CNTN1: variants seen among roughly 807,000 people sequenced by gnomAD.
CNTN1 encodes contactin 1.
A neutral mutation model predicts 126.4 loss-of-function variants in CNTN1; 38 were observed. That is an observed-to-expected ratio of 0.30 (90% confidence interval 0.23 to 0.39). The LOEUF (loss-of-function observed/expected upper bound fraction) is 0.39, where lower values mean the gene tolerates loss of function less well. CNTN1 is among the 10% of genes least tolerant of loss of function. CNTN1 has a pLI of 1.00. For synonymous variants in CNTN1, 413 were observed against 422.6 expected, an observed-to-expected ratio of 0.98 and a Z score of 0.28; for missense variants, 1,009 against 1,248.4, an observed-to-expected ratio of 0.81 and a Z score of 2.89.
At chr12:40,796,271 C>T (rs1277039753) in intron 1 of CNTN1, among the ~76,000 whole-genome samples, 4 of 151,968 alleles carry the variant, frequency 2.6e-5, no homozygotes, top group African/African-American at 9.7e-5. Flanking sequence ...AACATTAAAG[C>T]AATCATGGTA....
intron 1 of CNTN1, among the ~76,000 whole-genome samples, chr12:40,797,512 A>G (rs4767990): frequency 0.94 from 143,309 of 152,042 alleles, 68,112 homozygotes; most frequent in East Asian, 1. Flanking sequence ...GAAAATAGCC[A>G]AAGATGAGGC....
chr12:40,983,468 CGTGTGTGTGT>C (rs141568233), intron 16 of CNTN1, among the ~76,000 whole-genome samples: 1 of 145,892 alleles, frequency 6.9e-6, no homozygotes, highest in East Asian at 2.0e-4. Flanking sequence ...TGATATTCAC[CGTGTGTGTGT>C]GTGTGTGTGT....
intron 20 of CNTN1, among the ~76,000 whole-genome samples, chr12:41,024,171 T>G (rs1218783886): frequency 6.6e-6 from 1 of 152,188 alleles, no homozygotes; most frequent in Non-Finnish European, 1.5e-5. Flanking sequence ...CATAATAGTT[T>G]CTTACATGTT....
intron 1 of CNTN1, among the ~76,000 whole-genome samples, chr12:40,779,358 A>G (rs1939706156): frequency 1.3e-5 from 2 of 151,764 alleles, no homozygotes; most frequent in African/African-American, 4.8e-5. Flanking sequence ...AACCTTACTC[A>G]CCTTTTTCCA....
intron 1 of CNTN1, among the ~76,000 whole-genome samples, chr12:40,811,453 AATTT>A (rs1941057577): frequency 6.6e-6 from 1 of 152,126 alleles, no homozygotes; most frequent in Non-Finnish European, 1.5e-5. Context: ...ACTTCTCTAT[AATTT>A]TTCAAGCTGT....
intron 19 of CNTN1, among the ~76,000 whole-genome samples, chr12:41,018,639 T>C (rs182055822): frequency 8.2e-4 from 124 of 151,016 alleles, no homozygotes; most frequent in African/African-American, 3.0e-3. Flanking sequence ...TTTAAAGTTA[T>C]ATATATACTT....
At chr12:40,911,651 C>T (rs1335266036) in intron 3 of CNTN1, among the ~76,000 whole-genome samples, 1 of 152,232 alleles carries the variant, frequency 6.6e-6, no homozygotes, top group Non-Finnish European at 1.5e-5. Flanking sequence ...AGGCTTCCTA[C>T]TTAACCGGCT....
intron 1 of CNTN1, among the ~76,000 whole-genome samples, chr12:40,772,704 A>G (rs1270841593): frequency 6.6e-6 from 1 of 151,896 alleles, no homozygotes; most frequent in Admixed American, 6.6e-5. Flanking sequence ...TAACAGGACA[A>G]TCAGATTATT....
intron 1 of CNTN1, among the ~76,000 whole-genome samples, chr12:40,707,671 G>C (rs1941806493): frequency 6.6e-6 from 1 of 151,930 alleles, no homozygotes; most frequent in Non-Finnish European, 1.5e-5. Flanking sequence ...CTAATCTACT[G>C]TGCTTGTCCA....
intron 1 of CNTN1, among the ~76,000 whole-genome samples, chr12:40,865,136 G>A (rs571236928): frequency 2.6e-5 from 4 of 152,164 alleles, no homozygotes; most frequent in African/African-American, 9.6e-5. Flanking sequence ...GTCCATCTGT[G>A]TATCTTCTTT....
intron 1 of CNTN1, among the ~76,000 whole-genome samples, chr12:40,806,166 C>G (rs994934564): frequency 1.3e-5 from 2 of 152,024 alleles, no homozygotes; most frequent in Admixed American, 1.3e-4. Context: ...TAAAGAGCTC[C>G]TGTGTGTCTA....
At chr12:40,786,268 G>A (rs942609338) in intron 1 of CNTN1, among the ~76,000 whole-genome samples, 2 of 152,098 alleles carry the variant, frequency 1.3e-5, no homozygotes. Context: ...GCTTCTAAAG[G>A]CCAAAGAATG....
chr12:41,004,001 C>T (rs1339671397), intron 17 of CNTN1, among the ~76,000 whole-genome samples: 2 of 152,016 alleles, frequency 1.3e-5, no homozygotes, highest in Non-Finnish European at 2.9e-5. Flanking sequence ...GATTTGTTTG[C>T]TCTTTGTTCT....
chr12:40,831,396 C>T (rs1338377356), intron 1 of CNTN1, among the ~76,000 whole-genome samples: 1 of 151,904 alleles, frequency 6.6e-6, no homozygotes, highest in African/African-American at 2.4e-5. Flanking sequence ...TAGGGCACTT[C>T]AGTAAACAGT....
At chr12:40,724,667 G>T (rs1167117743) in intron 1 of CNTN1, among the ~76,000 whole-genome samples, 1 of 152,084 alleles carries the variant, frequency 6.6e-6, no homozygotes, top group South Asian at 2.1e-4. Context: ...ACTTACTTTG[G>T]TTCAAAAGAT....
At chr12:40,859,569 C>CT (rs1368480132) in intron 1 of CNTN1, among the ~76,000 whole-genome samples, 1 of 151,764 alleles carries the variant, frequency 6.6e-6, no homozygotes, top group Non-Finnish European at 1.5e-5. Context: ...TTTTTTTGCA[C>CT]TTTTGCCACA....
chr12:40,996,368 G>A (rs1426250386), intron 17 of CNTN1, among the ~76,000 whole-genome samples: 1 of 152,082 alleles, frequency 6.6e-6, no homozygotes, highest in African/African-American at 2.4e-5. Context: ...CTGGGCTGAT[G>A]CAATCCACCC....
intron 1 of CNTN1, among the ~76,000 whole-genome samples, chr12:40,794,177 T>A (rs1469244851): frequency 6.6e-6 from 1 of 152,096 alleles, no homozygotes; most frequent in East Asian, 1.9e-4. Flanking sequence ...TGCATGAATA[T>A]TTTTTAGTTA....
intron 1 of CNTN1, among the ~76,000 whole-genome samples, chr12:40,765,015 A>G (rs1939023228): frequency 6.6e-6 from 1 of 151,892 alleles, no homozygotes; most frequent in Non-Finnish European, 1.5e-5. Context: ...TAAGCACTTG[A>G]AAATAATGTG....
Sources: allele counts gnomAD v4.1 joint callset (sites outside exome capture counted in the v4.1 genomes callset), GRCh38; gene constraint gnomAD v4.1.1; transcripts MANE v1.5; gene names NCBI Gene and HGNC (gene_info 2026-07-23, HGNC 2026-07-21).